Variants in DIAPH3 observed in about 807,000 individuals in gnomAD.
DIAPH3 encodes protein diaphanous homolog 3.
DIAPH3 carries 117 observed loss-of-function variants against 144.3 expected under a neutral mutation model. The observed-to-expected ratio is 0.81, with a 90% confidence interval of 0.70 to 0.95. The LOEUF (loss-of-function observed/expected upper bound fraction) is 0.95. DIAPH3 is among the 40% of genes least tolerant of loss of function. DIAPH3 has a pLI of 0.00. For synonymous variants in DIAPH3, 519 were observed against 488.9 expected (o/e 1.06, Z -0.81); for missense variants, 1,421 against 1,412.7 (o/e 1.01, Z -0.09).
intron 27 of DIAPH3, among the ~76,000 whole-genome samples, chr13:59,761,880 G>A (rs561742555): frequency 2.0e-5 from 3 of 151,882 alleles, no homozygotes; most frequent in Non-Finnish European, 2.9e-5. Context: ...AGAGATTTCG[G>A]CTTCTGGTTA....
intron 17 of DIAPH3, among the ~76,000 whole-genome samples, chr13:59,947,057 A>G (rs2048837557): frequency 6.6e-6 from 1 of 152,228 alleles, no homozygotes; most frequent in Admixed American, 6.5e-5. Flanking sequence ...ATTCATAGGA[A>G]AGAATGCAGA....
chr13:60,046,484 A>C (rs1046022003), intron 4 of DIAPH3, among the ~76,000 whole-genome samples: 1 of 152,194 alleles, frequency 6.6e-6, no homozygotes, highest in Non-Finnish European at 1.5e-5. Flanking sequence ...CAGATGCTGG[A>C]GAGGATGTGT....
chr13:60,163,781 C>T lies in DIAPH3; in HGVS notation c.-15G>A. 6.4e-7 allele frequency: 1 copy of T among 1,557,214 alleles called. No individual in the cohort carries two copies. Among genetic ancestry groups the T allele is most frequent in the Non-Finnish European group, 8.7e-7 (1 of 1,153,880 alleles). ...TGCCGTTCCATCTTTCCCCGCAGCT[C>T]CGGGGACCGGAAAGAAGGTGGCCAC... On this transcript the variant is annotated 5_prime_UTR_variant, in exon 1 of 28. Coordinates refer to ENST00000400324, the MANE Select transcript of DIAPH3 (RefSeq NM_001042517.2).
At chr13:59,965,195 T>A (rs1448750193) in intron 17 of DIAPH3, among the ~76,000 whole-genome samples, 3 of 152,172 alleles carry the variant, frequency 2.0e-5, no homozygotes, top group African/African-American at 7.2e-5. Flanking sequence ...TTTAAGTGGA[T>A]AATCCATTAA....
At chr13:60,005,698 G>A (rs1310052212) in intron 9 of DIAPH3, among the ~76,000 whole-genome samples, 2 of 152,032 alleles carry the variant, frequency 1.3e-5, no homozygotes, top group Non-Finnish European at 2.9e-5. Context: ...AGCCAGGATG[G>A]TCTCGATCTC....
intron 24 of DIAPH3, among the ~76,000 whole-genome samples, chr13:59,826,464 C>T (rs2139675520): frequency 6.6e-6 from 1 of 151,012 alleles, no homozygotes; most frequent in Admixed American, 6.6e-5. Context: ...CCTAGGAATC[C>T]AGCTTACAAG....
rs913762988 is a variant in DIAPH3 at position 59,861,498 on chromosome 13, T to C, written c.2646A>G (p.Leu882=). Reference sequence around the variant, plus strand: ...CACATATTTCTACCAGGAAATGAAGTAGCGTTGTTTTCTGATCTGCTGATT... The same window carrying C: ...CACATATTTCTACCAGGAAATGAAGCAGCGTTGTTTTCTGATCTGCTGATT... The part of the protein sequence containing the change: ...DTKSADQKTT[L]LHFLVEICEE... Residue 882 remains leucine, a synonymous_variant, in exon 22 of 28, where the codon CTA becomes CTG. Transcript: ENST00000400324. 7 of 1,613,822 alleles carry C rather than the reference T, an allele frequency of 4.3e-6. No individual in the cohort carries two copies. The highest frequency in any genetic ancestry group is 3.3e-5 in the South Asian group (3 of 91,076).
intron 27 of DIAPH3, among the ~76,000 whole-genome samples, chr13:59,767,767 A>G (rs1340902989): frequency 6.6e-6 from 1 of 152,216 alleles, no homozygotes; most frequent in Non-Finnish European, 1.5e-5. Flanking sequence ...CCTTCTCACT[A>G]AATTTATTCC....
chr13:60,047,568 A>C (rs965474459), intron 4 of DIAPH3, among the ~76,000 whole-genome samples: 2 of 152,122 alleles, frequency 1.3e-5, no homozygotes, highest in African/African-American at 4.8e-5. Flanking sequence ...CAATGGGGGG[A>C]AGAAGAATCT....
chr13:60,012,478 T>C (rs2053341507), intron 7 of DIAPH3, among the ~76,000 whole-genome samples: 1 of 152,246 alleles, frequency 6.6e-6, no homozygotes, highest in African/African-American at 2.4e-5. Flanking sequence ...CAATATGCCT[T>C]GCTAATCATT....
Position 59,741,827 on chromosome 13 carries a change from G to C in DIAPH3, c.3319+32362C>G, listed in dbSNP as rs527779233. On this transcript the variant is annotated intron_variant, in intron 27 of 27. Coordinates refer to ENST00000400324, the MANE Select transcript of DIAPH3 (RefSeq NM_001042517.2). The stretch of plus-strand genomic sequence containing the variant: ...CTTAAATAAATTCAAAATGACATAG[G>C]GGGTAAAATATTTCCTACCTATTGC... Among the ~76,000 whole-genome samples, 478 of 152,140 alleles carry C rather than the reference G, an allele frequency of 3.1e-3. 3 individuals are homozygous for C. Among genetic ancestry groups the C allele is most frequent in the African/African-American group, 0.01 (422 of 41,504 alleles).
chr13:60,066,023 G>A (rs564302170), intron 4 of DIAPH3, among the ~76,000 whole-genome samples: 4 of 152,010 alleles, frequency 2.6e-5, no homozygotes, highest in African/African-American at 4.8e-5. Flanking sequence ...CATTTCTTCA[G>A]AAACAAGACA....
At chr13:59,693,522 G>A (rs1027143609) in intron 27 of DIAPH3, among the ~76,000 whole-genome samples, 1 of 152,110 alleles carries the variant, frequency 6.6e-6, no homozygotes, top group East Asian at 1.9e-4. Context: ...ACAATTTAAA[G>A]TAGATGCTCT....
intron 27 of DIAPH3, among the ~76,000 whole-genome samples, chr13:59,767,138 C>T (rs2037899815): frequency 6.6e-6 from 1 of 152,108 alleles, no homozygotes; most frequent in Non-Finnish European, 1.5e-5. Context: ...AAAGACTATC[C>T]CAGGTACACA....
At chr13:59,994,139 A>T (rs2052032129) in intron 9 of DIAPH3, among the ~76,000 whole-genome samples, 1 of 151,958 alleles carries the variant, frequency 6.6e-6, no homozygotes. Flanking sequence ...GAAGAAAAAA[A>T]ATAGGAAATT....
rs566184360 is a variant in DIAPH3, at chr13:59,788,566, G to A, written c.3164-13743C>T. 5.3e-5 allele frequency among the ~76,000 whole-genome samples: 8 copies of A among 152,118 alleles called. No homozygotes were observed. In the South Asian group the frequency reaches 1.7e-3, roughly 32 times the overall value. ...ACATGTGTGGAAAAACATGTAAAAG[G>A]GTGTCTGTTATATTGTTGTTCATTG... On this transcript the variant is annotated intron_variant, in intron 25 of 27. Coordinates refer to ENST00000400324, the MANE Select transcript of DIAPH3 (RefSeq NM_001042517.2).
Position 60,156,941 on chromosome 13 carries a change from T to TATATA in DIAPH3, c.180+6645_180+6646insTATAT, listed in dbSNP as rs1566834028. ...TTCATATATATATATATATATATAT[T>TATATA]TTTTTTTTTTTTTTTTTTGAGACAG... On this transcript the variant is annotated intron_variant, in intron 1 of 27. Transcript: ENST00000400324. 6.4e-3 allele frequency among the ~76,000 whole-genome samples: 174 copies of TATATA among 27,292 alleles called. 1 individual carries two copies. Among genetic ancestry groups the TATATA allele is most frequent in the Middle Eastern group, 0.021 (1 of 48 alleles). The allele number at this position is 27,292 out of a possible 152,430, so 17.9% of individuals were successfully genotyped here. A position where few individuals can be genotyped will look rare whatever the true frequency, so the allele number is the denominator to read the frequency against.
intron 2 of DIAPH3, among the ~76,000 whole-genome samples, chr13:60,123,772 T>C (rs538782929): frequency 2.6e-5 from 4 of 152,296 alleles, no homozygotes; most frequent in East Asian, 3.9e-4. Flanking sequence ...TTATCACTCA[T>C]TGTTATTAAC....
intron 20 of DIAPH3, among the ~76,000 whole-genome samples, chr13:59,882,819 C>T (rs1413613544): frequency 1.3e-5 from 2 of 152,044 alleles, no homozygotes; most frequent in African/African-American, 2.4e-5. Context: ...CCAAATCTGA[C>T]AATAATGAGA....
Sources: allele counts gnomAD v4.1 joint callset (sites outside exome capture counted in the v4.1 genomes callset), GRCh38; gene constraint gnomAD v4.1.1; transcripts MANE v1.5; gene names NCBI Gene and HGNC (gene_info 2026-07-23, HGNC 2026-07-21).